The following KCNB2 variants were observed in gnomAD, a reference collection of about 807,000 sequenced individuals.
The protein encoded by KCNB2 is delayed rectifier potassium channel protein.
In KCNB2, 15 loss-of-function variants were observed where a neutral mutation model predicts 61.5. The ratio of observed to expected loss-of-function variants is 0.24; its 90% CI spans 0.16 to 0.38. The LOEUF (loss-of-function observed/expected upper bound fraction) is 0.38. KCNB2 is among the 10% of genes least tolerant of loss of function. KCNB2 has a pLI of 1.00. For missense variants in KCNB2, 828 were observed against 1,125.2 expected (o/e 0.74, Z 3.78); for synonymous variants, 457 against 446.0 (o/e 1.02, Z -0.31).
Position 72,937,170 on chromosome 8 carries a change from C to T in KCNB2, c.1815C>T (p.Ser605=), listed in dbSNP as rs754558546. Residue 605 remains serine, a synonymous_variant, in exon 3 of 3, where the codon AGC becomes AGT. Coordinates refer to ENST00000523207, the MANE Select transcript of KCNB2 (RefSeq NM_004770.3). Reference sequence around the variant, plus strand: ...TGAAGAGCACCTCCAGCATCGACAGCTTCACCAGCTGTGCCACCGACTTCA... The same window carrying T: ...TGAAGAGCACCTCCAGCATCGACAGTTTCACCAGCTGTGCCACCGACTTCA... ...VDMKSTSSID[S]FTSCATDFTE... 9.9e-6 allele frequency: 16 copies of T among 1,614,022 alleles called. No individual in the cohort carries two copies. Among genetic ancestry groups the T allele is most frequent in the Non-Finnish European group, 7.6e-6 (9 of 1,180,030 alleles).
intron 2 of KCNB2, among the ~76,000 whole-genome samples, chr8:72,855,412 T>G (rs1810190885): frequency 6.6e-6 from 1 of 152,156 alleles, no homozygotes; most frequent in African/African-American, 2.4e-5. Context: ...GTTTCAGTCT[T>G]CTGGCCTTTC....
chr8:72,821,642 A>C lies in KCNB2; in HGVS notation c.580-114293A>C, dbSNP rs1291072024. Among the ~76,000 whole-genome samples the C allele has an allele frequency of 3.3e-3, 145 of 44,486 alleles. 1 individual carries two copies. The highest frequency in any genetic ancestry group is 0.017 in the African/African-American group (131 of 7,582). 29.2% of individuals were successfully genotyped at this position (44,486 alleles called of 152,430 possible). A position where few individuals can be genotyped will look rare whatever the true frequency, so the allele number is the denominator to read the frequency against. On this transcript the variant is annotated intron_variant, in intron 2 of 2. Coordinates refer to ENST00000523207, the MANE Select transcript of KCNB2 (RefSeq NM_004770.3). ...CCTACACACACACACAAAAAAAAACAAAAAAAAAAAAAAAAAAACACACAC... is the reference window on the plus strand; with the variant it reads ...CCTACACACACACACAAAAAAAAACCAAAAAAAAAAAAAAAAAACACACAC...
intron 2 of KCNB2, among the ~76,000 whole-genome samples, chr8:72,720,417 G>A (rs908173329): frequency 4.5e-4 from 69 of 152,138 alleles, no homozygotes; most frequent in African/African-American, 1.6e-3. Flanking sequence ...CCCTCAGAGT[G>A]TGTCTTCCCC....
chr8:72,573,782 C>T (rs1015766218), intron 2 of KCNB2, among the ~76,000 whole-genome samples: 1 of 152,146 alleles, frequency 6.6e-6, no homozygotes, highest in South Asian at 2.1e-4. Flanking sequence ...GTGTACCGTG[C>T]AGTGCTCTCC....
At chr8:72,622,378 G>T (rs1034575687) in intron 2 of KCNB2, among the ~76,000 whole-genome samples, 3 of 152,218 alleles carry the variant, frequency 2.0e-5, no homozygotes, top group Middle Eastern at 3.4e-3. Flanking sequence ...AGCATTTCTT[G>T]ACCCTCCAAT....
chr8:72,828,222 G>A (rs1198754613), intron 2 of KCNB2, among the ~76,000 whole-genome samples: 1 of 152,190 alleles, frequency 6.6e-6, no homozygotes, highest in East Asian at 1.9e-4. Context: ...ATAGTATATT[G>A]TTAAGTAATG....
At chr8:72,853,375 G>A (rs137870657) in intron 2 of KCNB2, among the ~76,000 whole-genome samples, 2 of 152,266 alleles carry the variant, frequency 1.3e-5, no homozygotes, top group Non-Finnish European at 2.9e-5. Flanking sequence ...GCTCCAGGAG[G>A]GATCAAGCTC....
intron 2 of KCNB2, chr8:72,618,998 TG>T (rs2128984029): frequency 3.1e-6 from 1 of 325,116 alleles, no homozygotes; most frequent in East Asian, 8.2e-5. Context: ...CCACTGACTT[TG>T]TTTTTAGAAC....
chr8:72,887,911 C>T (rs1334894363), intron 2 of KCNB2, among the ~76,000 whole-genome samples: 2 of 152,240 alleles, frequency 1.3e-5, no homozygotes, highest in Admixed American at 6.5e-5. Flanking sequence ...CCTCTTCAGC[C>T]TATTCCCTGG....
chr8:72,654,525 T>C (rs768194096), intron 2 of KCNB2, among the ~76,000 whole-genome samples: 16 of 152,192 alleles, frequency 1.1e-4, no homozygotes, highest in Non-Finnish European at 2.1e-4. Flanking sequence ...AAAGAAGTGC[T>C]ATCTAAAGGC....
chr8:72,920,086 G>T (rs1483304955), intron 2 of KCNB2, among the ~76,000 whole-genome samples: 1 of 151,822 alleles, frequency 6.6e-6, no homozygotes, highest in Non-Finnish European at 1.5e-5. Context: ...AAACTATTGA[G>T]TCAATTATTT....
At chr8:72,829,167 G>C (rs891189464) in intron 2 of KCNB2, among the ~76,000 whole-genome samples, 1 of 152,056 alleles carries the variant, frequency 6.6e-6, no homozygotes. Flanking sequence ...AGATATTACT[G>C]CCTAAAACAA....
chr8:72,887,537 G>T (rs1805826596), intron 2 of KCNB2, among the ~76,000 whole-genome samples: 2 of 152,124 alleles, frequency 1.3e-5, no homozygotes, highest in African/African-American at 4.8e-5. Context: ...CAGGAAGAGG[G>T]CTTCTGACCA....
chr8:72,901,153 G>A (rs985302644), intron 2 of KCNB2, among the ~76,000 whole-genome samples: 3 of 152,166 alleles, frequency 2.0e-5, no homozygotes, highest in African/African-American at 4.8e-5. Context: ...CCAGAGACCC[G>A]TGGGAACACC....
At chr8:72,665,268 G>A (rs1440363) in intron 2 of KCNB2, among the ~76,000 whole-genome samples, 61,175 of 151,978 alleles carry the variant, frequency 0.4, 16,373 homozygotes, top group East Asian at 0.76. Context: ...GATGGTGAGA[G>A]GTCAATGGAT....
intron 2 of KCNB2, among the ~76,000 whole-genome samples, chr8:72,585,840 C>T (rs1185410481): frequency 6.6e-6 from 1 of 152,118 alleles, no homozygotes; most frequent in Admixed American, 6.6e-5. Flanking sequence ...TGGCAACTGA[C>T]ATTTGTTTGA....
intron 2 of KCNB2, among the ~76,000 whole-genome samples, chr8:72,900,060 A>G (rs1250909840): frequency 2.0e-5 from 3 of 152,090 alleles, no homozygotes; most frequent in African/African-American, 7.2e-5. Flanking sequence ...AGCAAAAAGA[A>G]CAAAGCCAGA....
intron 2 of KCNB2, among the ~76,000 whole-genome samples, chr8:72,830,168 C>T (rs1212095658): frequency 6.7e-6 from 1 of 149,344 alleles, no homozygotes; most frequent in Non-Finnish European, 1.5e-5. Context: ...TGACATACTC[C>T]CACATATGTT....
chr8:72,838,734 T>C (rs1202916881), intron 2 of KCNB2, among the ~76,000 whole-genome samples: 1 of 152,166 alleles, frequency 6.6e-6, no homozygotes, highest in Non-Finnish European at 1.5e-5. Context: ...GGTCTATGTG[T>C]GCAATAAAAT....
Sources: allele counts gnomAD v4.1 joint callset (sites outside exome capture counted in the v4.1 genomes callset), GRCh38; gene constraint gnomAD v4.1.1; transcripts MANE v1.5; gene names NCBI Gene and HGNC (gene_info 2026-07-23, HGNC 2026-07-21).